Variants in DCDC2 observed in about 807,000 individuals in gnomAD.
DCDC2 encodes the protein doublecortin domain containing 2.
A neutral mutation model predicts 50.2 loss-of-function variants in DCDC2; 40 were observed. The ratio of observed to expected loss-of-function variants is 0.80; its 90% confidence interval spans 0.62 to 1.04. The LOEUF is 1.04. Ranked by LOEUF, DCDC2 falls within the 50% of genes least tolerant of loss-of-function variation. The probability of loss-of-function intolerance (pLI) is 0.00; values close to 1 mark genes in which losing one functional copy is unlikely to be tolerated. For missense variants in DCDC2, 570 were observed against 581.9 expected (o/e 0.98, Z 0.21); for synonymous variants, 234 against 210.6 (o/e 1.11, Z -0.96).
At chr6:24,271,299 A>G (rs1763235391) in intron 7 of DCDC2, among the ~76,000 whole-genome samples, 1 of 151,850 alleles carries the variant, frequency 6.6e-6, no homozygotes. Context: ...AGGCAGCAGA[A>G]TTAAGAAAAG....
At position 24,290,697 on chromosome 6, in the gene DCDC2, T is replaced by TA. The variant is rs76420632; in HGVS notation, c.704+234dup. Among the ~76,000 whole-genome samples, 27,309 of 151,224 alleles carry TA rather than the reference T, an allele frequency of 0.18. 2,402 individuals carry two copies. Among genetic ancestry groups the TA allele is most frequent in the African/African-American group, 0.19 (7,899 of 41,226 alleles). The stretch of plus-strand genomic sequence containing the variant: ...ATTTACTTATAAATTTCATGCATGC[T>TA]AAAAAAAAACCATGTAGTCTTTCAT... On this transcript the variant is annotated intron_variant, in intron 5 of 9. Coordinates refer to ENST00000378454, the MANE Select transcript of DCDC2 (RefSeq NM_016356.5).
At position 24,178,429 on chromosome 6, in the gene DCDC2, A is replaced by T. The variant is rs1369820281; in HGVS notation, c.1227T>A (p.Asp409Glu). Residue 409 changes from aspartate (D) to glutamate (E), a missense_variant, in exon 9 of 10, where the codon GAT becomes GAA. By Grantham distance (45) the Asp-to-Glu change is conservative. Transcript: ENST00000378454. ...GCTGCAGCTCCTCACCATTCTCCTC[A>T]TCGGTGCCTCCATTTACACGAGCAG... ...ARPARVNGGT[D>E]EENGEELQQV... 1.2e-6 allele frequency: 2 copies of T among 1,614,014 alleles called. No individual in the cohort carries two copies. The highest frequency in any genetic ancestry group is 1.3e-5 in the African/African-American group (1 of 74,896).
intron 2 of DCDC2, among the ~76,000 whole-genome samples, chr6:24,302,504 C>CCCA (rs911692285): frequency 1.5e-4 from 23 of 151,974 alleles, no homozygotes; most frequent in African/African-American, 5.1e-4. Flanking sequence ...AGTGCCTGAC[C>CCCA]CCACCCTTTT....
the DCDC2 span, among the ~76,000 whole-genome samples, chr6:24,378,589 A>G: frequency 1.3e-5 from 2 of 152,120 alleles, no homozygotes; most frequent in Admixed American, 6.5e-5. Flanking sequence ...TGTCCTACCA[A>G]TTACTCAGGA....
intron 6 of DCDC2, among the ~76,000 whole-genome samples, chr6:24,278,438 T>C (rs1763407161): frequency 6.6e-6 from 1 of 152,084 alleles, no homozygotes; most frequent in Non-Finnish European, 1.5e-5. Context: ...AATCATTGGG[T>C]TCTTAATATG....
At chr6:24,220,593 A>G (rs1762077113) in intron 7 of DCDC2, among the ~76,000 whole-genome samples, 1 of 152,230 alleles carries the variant, frequency 6.6e-6, no homozygotes, top group African/African-American at 2.4e-5. Context: ...AAACAAATAC[A>G]GTATATGTGA....
chr6:24,270,861 A>G (rs1478678967), intron 7 of DCDC2, among the ~76,000 whole-genome samples: 1 of 152,162 alleles, frequency 6.6e-6, no homozygotes, highest in Non-Finnish European at 1.5e-5. Context: ...ATCATGCTTC[A>G]GTCTTTGGTA....
intron 2 of DCDC2, among the ~76,000 whole-genome samples, chr6:24,302,547 G>C (rs1453252029): frequency 6.6e-6 from 1 of 151,818 alleles, no homozygotes; most frequent in African/African-American, 2.4e-5. Context: ...TTTTTCCCAG[G>C]TTTCACTTTC....
At chr6:24,313,569 G>A (rs1302635041) in intron 2 of DCDC2, among the ~76,000 whole-genome samples, 2 of 152,224 alleles carry the variant, frequency 1.3e-5, no homozygotes, top group African/African-American at 4.8e-5. Context: ...CAGAGCAGCT[G>A]ACAGTGTGTA....
the DCDC2 span, among the ~76,000 whole-genome samples, chr6:24,366,502 A>G: frequency 1.3e-5 from 2 of 152,368 alleles, no homozygotes; most frequent in East Asian, 3.9e-4. Flanking sequence ...TCTGTGCTAT[A>G]GAAGAAGGTA....
At chr6:24,195,234 G>A (rs553955721) in intron 8 of DCDC2, among the ~76,000 whole-genome samples, 5 of 152,270 alleles carry the variant, frequency 3.3e-5, no homozygotes, top group East Asian at 1.9e-4. Context: ...TATTGCTCAC[G>A]CAATAGCAGT....
intron 7 of DCDC2, among the ~76,000 whole-genome samples, chr6:24,213,906 T>A (rs998565819): frequency 6.6e-6 from 1 of 152,136 alleles, no homozygotes; most frequent in Non-Finnish European, 1.5e-5. Context: ...GAAAAACTAA[T>A]CAAATGAGAG....
upstream of DCDC2, among the ~76,000 whole-genome samples, chr6:24,363,001 C>G (rs776690275): frequency 6.6e-6 from 1 of 151,998 alleles, no homozygotes; most frequent in Non-Finnish European, 1.5e-5. Context: ...ACCCTGATCA[C>G]GAAGAGCTGA....
intron 7 of DCDC2, among the ~76,000 whole-genome samples, chr6:24,236,259 G>A (rs946290599): frequency 1.3e-5 from 2 of 152,074 alleles, no homozygotes; most frequent in Non-Finnish European, 2.9e-5. Flanking sequence ...AACAGATAGA[G>A]AACCCAAAAA....
rs1419228 is a variant in DCDC2, at chr6:24,178,078, G to A, written c.1326+252C>T. ...TCTTGTAAAATTAGGCAGGAGGTAA[G>A]TAGATGGATGGGTCAATGGCTAAAT... On this transcript the variant is annotated intron_variant, in intron 9 of 9. Transcript: ENST00000378454. Among the ~76,000 whole-genome samples the A allele has an allele frequency of 0.74, 111,941 of 152,078 alleles. 43,359 individuals are homozygous for A. The highest frequency in any genetic ancestry group is 0.97 in the East Asian group (5,044 of 5,184).
chr6:24,284,847 G>A (rs754742385), intron 6 of DCDC2, among the ~76,000 whole-genome samples: 2 of 151,884 alleles, frequency 1.3e-5, no homozygotes, highest in Non-Finnish European at 2.9e-5. Flanking sequence ...CTTCTTCCCC[G>A]GCCTCATCCC....
chr6:24,204,097 G>C (rs1280211077), intron 8 of DCDC2, among the ~76,000 whole-genome samples: 1 of 152,096 alleles, frequency 6.6e-6, no homozygotes, highest in Non-Finnish European at 1.5e-5. Flanking sequence ...CAAGGATCTA[G>C]AGCCAGAAAT....
intron 6 of DCDC2, among the ~76,000 whole-genome samples, chr6:24,286,725 G>A (rs918109093): frequency 5.9e-5 from 9 of 152,036 alleles, no homozygotes; most frequent in Middle Eastern, 3.2e-3. Context: ...AACTCAACAT[G>A]TTTGAAATTA....
At chr6:24,178,822 C>T (rs1025279993) in intron 8 of DCDC2, among the ~76,000 whole-genome samples, 190 bp from the exon 9 acceptor site, 1 of 152,134 alleles carries the variant, frequency 6.6e-6, no homozygotes, top group African/African-American at 2.4e-5. Flanking sequence ...CAAGCATTCC[C>T]TCATTTAATC....
Sources: gnomAD v4.1 joint callset for allele counts (sites outside exome capture counted in the v4.1 genomes callset) on GRCh38, gnomAD v4.1.1 for gene constraint, MANE v1.5 for transcripts, NCBI Gene and HGNC (gene_info 2026-07-23, HGNC 2026-07-21) for gene names.